The following PAX4 variants were observed in gnomAD, a reference collection of about 807,000 sequenced individuals.
PAX4 encodes the protein paired box 4.
PAX4 carries 33 observed loss-of-function variants against 40.6 expected under a neutral mutation model. That is an observed-to-expected ratio of 0.81 (90% confidence interval 0.62 to 1.09). PAX4 has a LOEUF of 1.09. Among genes scored for constraint, PAX4 ranks in the 50% least tolerant of loss-of-function variants. PAX4 has a pLI of 0.00. For synonymous variants in PAX4, 174 were observed against 170.6 expected, an observed-to-expected ratio of 1.02 and a Z score of -0.16; for missense variants, 459 against 442.5, an observed-to-expected ratio of 1.04 and a Z score of -0.33.
intron 2 of PAX4, among the ~76,000 whole-genome samples, chr7:127,616,801 T>A (rs937901972): frequency 6.6e-6 from 1 of 152,156 alleles, no homozygotes; most frequent in Non-Finnish European, 1.5e-5. Flanking sequence ...AAAGGCATAT[T>A]GAAGGGAATG....
In PAX4 at chr7:127,615,016, C is replaced by T. The variant is rs765317853; in HGVS notation, c.224G>A (p.Ser75Asn). 1 of 1,614,236 alleles carries T rather than the reference C, an allele frequency of 6.2e-7. No homozygotes were observed. Among genetic ancestry groups the T allele is most frequent in the Non-Finnish European group, 8.5e-7 (1 of 1,180,042 alleles). The change falls in exon 5 of 12, where the codon AGC becomes AAC. Residue 75 changes from serine (S) to asparagine (N), a missense_variant. Transcript: ENST00000639438. ...GVLEPKGIGGSKPRLATPPVV... is the reference protein window; with the variant it reads ...GVLEPKGIGGNKPRLATPPVV... ...AGGGGGTGTAGCCAGCCGTGGCTTG[C>T]TTCCCCCAATGCCCTTTGGCTCCAA...
In PAX4 at chr7:127,611,670, G is replaced by A. The variant is rs752351677; in HGVS notation, c.778C>T (p.Pro260Ser). 6.2e-7 allele frequency: 1 copy of A among 1,611,054 alleles called. No homozygotes were observed. The highest frequency in any genetic ancestry group is 8.5e-7 in the Non-Finnish European group (1 of 1,179,936). ...APGIISAQQS[P>S]GSVPTAALPA... ...AGGGCTGCTGTGGGCACACTGCCAG[G>A]GGACTGCTAAAAAAAAAAAGCAAGA... Residue 260 changes from proline (P) to serine (S), a missense_variant, in exon 11 of 12, where the codon CCT becomes TCT. Transcript: ENST00000639438.
At chr7:127,613,559 A>G (rs776614041) in intron 7 of PAX4, 27 bp from the exon 8 acceptor site, 1 of 1,612,764 alleles carries the variant, frequency 6.2e-7, no homozygotes, top group Non-Finnish European at 8.5e-7. Flanking sequence ...TCACAAAGTA[A>G]GGGCACCGGG....
In PAX4 at chr7:127,615,509, A is replaced by G. The variant is rs201794988; in HGVS notation, c.36T>C (p.Leu12=). ...GCCGGCCATTCACAAAGAGCCCCCCAAGCTGGTTCATGCTGCTGATCCCTG... is the reference window on the plus strand; with the variant it reads ...GCCGGCCATTCACAAAGAGCCCCCCGAGCTGGTTCATGCTGCTGATCCCTG... ...HQDGISSMNQ[L]GGLFVNGRPL... Residue 12 remains leucine (L), a synonymous_variant, in exon 4 of 12, where the codon CTT becomes CTC. Coordinates refer to ENST00000639438, the MANE Select transcript of PAX4 (RefSeq NM_001366110.1). 6.2e-7 allele frequency: 1 copy of G among 1,614,020 alleles called. No homozygotes were observed. Among genetic ancestry groups the G allele is most frequent in the East Asian group, 2.2e-5 (1 of 44,866 alleles).
At chr7:127,615,655 T>C in intron 3 of PAX4, 124 bp from the exon 4 acceptor site, 1 of 1,576,868 alleles carries the variant, frequency 6.3e-7, no homozygotes, top group Non-Finnish European at 8.6e-7. Flanking sequence ...CCTGGGAGAC[T>C]GCATCCTTGC....
intron 2 of PAX4, among the ~76,000 whole-genome samples, chr7:127,616,603 C>T (rs1438286127): frequency 6.6e-6 from 1 of 152,232 alleles, no homozygotes; most frequent in Non-Finnish European, 1.5e-5. Flanking sequence ...GTCCTACACA[C>T]TGGGCATAGA....
rs1794617739 is a variant in PAX4 at position 127,611,128 on chromosome 7, G to C, written c.992C>G (p.Ala331Gly). 1 of 1,607,292 alleles carries C rather than the reference G, an allele frequency of 6.2e-7. No individual in the cohort carries two copies. ...LPCPSSHCHL[A>G]SLSGSQALLW... ...CAGGGCCTGAGAGCCACTAAGACTG[G>C]CCAGGTGACAGTGGGAGGAAGGGCA... Residue 331 changes from alanine to glycine, a missense_variant, in exon 12 of 12, where the codon GCC (alanine) becomes GGC (glycine). Transcript: ENST00000639438.
At chr7:127,613,398 G>T in intron 8 of PAX4, 52 bp downstream of exon 8, 1 of 1,565,980 alleles carries the variant, frequency 6.4e-7, no homozygotes, top group Non-Finnish European at 8.8e-7. Flanking sequence ...AGCCCTGGCC[G>T]GCCCAGACTC....
In PAX4 at chr7:127,611,144, A is replaced by G. The variant is rs772045949; in HGVS notation, c.976T>C (p.Ser326Pro). 1.2e-6 allele frequency: 2 copies of G among 1,604,280 alleles called. No individual in the cohort carries two copies. Among genetic ancestry groups the G allele is most frequent in the South Asian group, 2.2e-5 (2 of 89,174 alleles). The change falls in exon 12 of 12, where the codon TCC (serine) becomes CCC (proline). Residue 326 changes from serine to proline, a missense_variant. Transcript: ENST00000639438. ...CTAAGACTGGCCAGGTGACAGTGGG[A>G]GGAAGGGCAAGGAAGGCAAAGCAGT... is the stretch of plus-strand genomic sequence containing the variant. ...SGLLCLPCPS[S>P]HCHLASLSGS...
At chr7:127,613,935 A>G in intron 6 of PAX4, 54 bp from the exon 7 acceptor site, 1 of 1,607,872 alleles carries the variant, frequency 6.2e-7, no homozygotes, top group Non-Finnish European at 8.5e-7. Context: ...TCCTCTGGTC[A>G]GATGGGGTCC....
Position 127,614,681 on chromosome 7 carries a change from C to T in PAX4, c.361-124G>A, listed in dbSNP as rs1794694738. 1.5e-5 allele frequency: 17 copies of T among 1,097,824 alleles called. No homozygotes were observed. In the Middle Eastern group the frequency reaches 1.6e-3, roughly 104 times the overall value. 68.0% of individuals were successfully genotyped at this position (1,097,824 alleles called of 1,614,324 possible). A position where few individuals can be genotyped will look rare whatever the true frequency, so the allele number is the denominator to read the frequency against. ...CCTACACATTGTTCCCAAGGGCAGCCTCCTCTCTCTCTCTCTATGCTTTCT... is the reference window on the plus strand; with the variant it reads ...CCTACACATTGTTCCCAAGGGCAGCTTCCTCTCTCTCTCTCTATGCTTTCT... On this transcript the variant is annotated intron_variant, in intron 5 of 11. Transcript: ENST00000639438.
Position 127,610,595 on chromosome 7 carries a change from A to G in PAX4, c.*469T>C. The G allele has an allele frequency of 1.9e-6, 1 of 514,920 alleles. No homozygotes were observed. The highest frequency in any genetic ancestry group is 3.3e-5 in the Admixed American group (1 of 30,122). 31.9% of individuals were successfully genotyped at this position (514,920 alleles called of 1,614,324 possible). A position where few individuals can be genotyped will look rare whatever the true frequency, so the allele number is the denominator to read the frequency against. On this transcript the variant is annotated 3_prime_UTR_variant, in exon 12 of 12. Transcript: ENST00000639438. ...TGCGCGCACGCATGCACGCATACAT[A>G]ATACACATATAGATGCATACATAGA...
Position 127,614,962 on chromosome 7 carries a change from C to G in PAX4, c.278G>C (p.Gly93Ala). 6.2e-7 allele frequency: 1 copy of G among 1,614,212 alleles called. No homozygotes were observed. Among genetic ancestry groups the G allele is most frequent in the East Asian group, 2.2e-5 (1 of 44,882 alleles). ...PVVARIAQLK[G>A]ECPALFAWEI... ...CCAGGCAAAGAGGGCTGGACACTCA[C>G]CCTTCAGCTGGGCAATTCGAGCCAC... The change falls in exon 5 of 12, where the codon GGT becomes GCT. Residue 93 changes from glycine (G) to alanine (A), a missense_variant. Transcript: ENST00000639438.
rs927390200 is a variant in PAX4, at chr7:127,615,947, T to C, written c.-19A>G. 50 of 1,535,862 alleles carry C rather than the reference T, an allele frequency of 3.3e-5. No homozygotes were observed. In the Admixed American group the frequency reaches 9.8e-4, roughly 30 times the overall value. On this transcript the variant is annotated 5_prime_UTR_variant, in exon 3 of 12. Transcript: ENST00000639438. Reference sequence around the variant, plus strand: ...GATGCATGCTCCAGGCTGACCCTCCTCAGAAGGATGAGACTCCAGCTGGGA... The same window carrying C: ...GATGCATGCTCCAGGCTGACCCTCCCCAGAAGGATGAGACTCCAGCTGGGA...
Position 127,613,851 on chromosome 7 carries a change from T to C in PAX4, c.467A>G (p.His156Arg), listed in dbSNP as rs534392927. Residue 156 changes from histidine (H) to arginine (R), a missense_variant, in exon 7 of 12, where the codon CAT becomes CGT. Transcript: ENST00000639438. ...AVLAPAVLTP[H>R]SGSETPRGTH... is the part of the protein sequence containing the mutation. ...ACCCCGGGGAGTCTCAGAGCCACTA[T>C]GGGGAGTGAGGACAGCTGGAGCCAA... The C allele has an allele frequency of 6.2e-6, 10 of 1,613,894 alleles. No homozygotes were observed. The East Asian group carries it at 1.1e-4, about 18-fold the overall frequency.
At chr7:127,613,213 C>T in intron 8 of PAX4, 122 bp from the exon 9 acceptor site, 1 of 905,996 alleles carries the variant, frequency 1.1e-6, no homozygotes, top group Non-Finnish European at 1.8e-6. Context: ...TGACATCCTC[C>T]CTCCCTGCTC....
chr7:127,610,741 T>C lies in PAX4; in HGVS notation c.*323A>G. On this transcript the variant is annotated 3_prime_UTR_variant, in exon 12 of 12. Transcript: ENST00000639438. ...AATGATAGGGCAAATTGTCTATAAT[T>C]GTTGAATATTAGAGTGGGCATAGGG... The C allele has an allele frequency of 5.4e-6, 4 of 738,988 alleles. No homozygotes were observed. In the South Asian group the frequency reaches 7.0e-5, roughly 13 times the overall value. 45.8% of individuals were successfully genotyped at this position (738,988 alleles called of 1,614,324 possible).
intron 9 of PAX4, 74 bp from the exon 10 acceptor site, chr7:127,612,074 G>T: frequency 6.9e-7 from 1 of 1,441,688 alleles, no homozygotes; most frequent in East Asian, 2.3e-5. Context: ...TGAGAGGCAG[G>T]AAGGTTGGAT....
At chr7:127,611,885 G>A (rs1306076907) in intron 10 of PAX4, 60 bp downstream of exon 10, 1 of 1,610,496 alleles carries the variant, frequency 6.2e-7, no homozygotes, top group East Asian at 2.2e-5. Context: ...GCCAGAAATG[G>A]AAGAGCCCAT....
Sources: allele counts gnomAD v4.1 joint callset (sites outside exome capture counted in the v4.1 genomes callset), GRCh38; gene constraint gnomAD v4.1.1; transcripts MANE v1.5; gene names NCBI Gene and HGNC (gene_info 2026-07-23, HGNC 2026-07-21).